RSRC1: variants seen among roughly 807,000 people sequenced by gnomAD.
RSRC1 encodes arginine and serine rich coiled-coil 1, also known as serine/Arginine-related protein 53.
RSRC1 carries 39 observed loss-of-function variants against 49.1 expected under a neutral mutation model. The observed-to-expected ratio is 0.79, with a 90% CI of 0.61 to 1.04. The LOEUF is 1.04. RSRC1 is among the 50% of genes least tolerant of loss of function. The pLI is 0.00. For missense variants in RSRC1, 388 were observed against 402.4 expected (o/e 0.96, Z 0.31); for synonymous variants, 143 against 130.8 (o/e 1.09, Z -0.63).
intron 3 of RSRC1, among the ~76,000 whole-genome samples, chr3:158,194,355 G>C (rs1720419759): frequency 6.7e-6 from 1 of 150,212 alleles, no homozygotes; most frequent in Non-Finnish European, 1.5e-5. Flanking sequence ...AAAGGAGGAA[G>C]GAAGGAAGAA....
intron 4 of RSRC1, among the ~76,000 whole-genome samples, chr3:158,206,886 C>G (rs1185533846): frequency 6.6e-6 from 1 of 152,090 alleles, no homozygotes; most frequent in Non-Finnish European, 1.5e-5. Context: ...TGCACTCTAG[C>G]CTGGGCGACA....
intron 4 of RSRC1, among the ~76,000 whole-genome samples, chr3:158,272,808 C>T (rs77613854): frequency 6.6e-6 from 1 of 152,104 alleles, no homozygotes; most frequent in African/African-American, 2.4e-5. Context: ...GTACAAGAAA[C>T]TCCCATATAC....
chr3:158,175,768 C>T (rs1027005845), intron 3 of RSRC1, among the ~76,000 whole-genome samples: 14 of 152,252 alleles, frequency 9.2e-5, no homozygotes, highest in African/African-American at 3.1e-4. Flanking sequence ...TAGATTTGGT[C>T]TTTTTACATA....
At chr3:158,457,765 A>G (rs1331199526) in intron 6 of RSRC1, among the ~76,000 whole-genome samples, 1 of 132,630 alleles carries the variant, frequency 7.5e-6, no homozygotes, top group African/African-American at 2.8e-5. Context: ...TTGTTTTTTA[A>G]TATATATATG....
intron 3 of RSRC1, among the ~76,000 whole-genome samples, chr3:158,133,805 T>A (rs1413601201): frequency 6.6e-6 from 1 of 152,238 alleles, no homozygotes. Flanking sequence ...GTCTGGGGAA[T>A]AGAATGGAAT....
chr3:158,127,988 C>T (rs1006944640), intron 3 of RSRC1, among the ~76,000 whole-genome samples: 4 of 152,206 alleles, frequency 2.6e-5, no homozygotes, highest in African/African-American at 9.7e-5. Context: ...TTCTCTCTCA[C>T]TTCTGACGAA....
chr3:158,251,136 T>C (rs544366778), intron 4 of RSRC1, among the ~76,000 whole-genome samples: 2 of 152,274 alleles, frequency 1.3e-5, no homozygotes, highest in Non-Finnish European at 2.9e-5. Context: ...GCTGTAGGTG[T>C]GTGGATTTGT....
chr3:158,329,988 G>A (rs1321425133), intron 5 of RSRC1, among the ~76,000 whole-genome samples: 1 of 152,172 alleles, frequency 6.6e-6, no homozygotes, highest in Admixed American at 6.5e-5. Context: ...TCAGAGTGTT[G>A]TGCTAGCAAT....
intron 4 of RSRC1, among the ~76,000 whole-genome samples, chr3:158,285,495 T>G (rs948247476): frequency 2.6e-5 from 4 of 152,270 alleles, no homozygotes; most frequent in Admixed American, 2.0e-4. Context: ...TATGGCCATT[T>G]TCACGATATT....
chr3:158,397,787 C>A (rs1467822790), intron 6 of RSRC1, among the ~76,000 whole-genome samples: 4 of 152,118 alleles, frequency 2.6e-5, no homozygotes. Flanking sequence ...TATCATACCC[C>A]TCTCTCTGCT....
intron 3 of RSRC1, among the ~76,000 whole-genome samples, chr3:158,192,557 T>A (rs1039511313): frequency 1.3e-5 from 2 of 152,024 alleles, no homozygotes; most frequent in African/African-American, 2.4e-5. Context: ...TAGATAGTAC[T>A]TGATAGAAGA....
rs1722130508 is a variant in RSRC1 at position 158,219,742 on chromosome 3, A to C, written c.494+16497A>C. ...TAAGTAATGTGCGGGAGTAATGATG[A>C]AGCCTTAATAAAGGTAGTGGCAGCT... On this transcript the variant is annotated intron_variant, in intron 4 of 9. Coordinates refer to ENST00000611884, the MANE Select transcript of RSRC1 (RefSeq NM_001271838.2). Among the ~76,000 whole-genome samples, 3 of 151,748 alleles carry C rather than the reference A, an allele frequency of 2.0e-5. No individual in the cohort carries two copies. In the South Asian group the frequency reaches 6.2e-4, roughly 31 times the overall value.
intron 3 of RSRC1, among the ~76,000 whole-genome samples, chr3:158,124,732 C>T (rs1715505020): frequency 6.6e-6 from 1 of 151,554 alleles, no homozygotes; most frequent in African/African-American, 2.4e-5. Context: ...ATAATCCTTT[C>T]AATGTTTGTG....
chr3:158,409,811 A>G (rs899533068), intron 6 of RSRC1, among the ~76,000 whole-genome samples: 2 of 152,192 alleles, frequency 1.3e-5, no homozygotes, highest in African/African-American at 4.8e-5. Context: ...AGAAAAAACC[A>G]TTAGAATAAT....
At chr3:158,142,686 C>T (rs1232078584) in intron 3 of RSRC1, among the ~76,000 whole-genome samples, 3 of 152,128 alleles carry the variant, frequency 2.0e-5, no homozygotes, top group Admixed American at 6.6e-5. Context: ...AACCAGATCT[C>T]CGTAGAACTC....
At chr3:158,144,223 G>A (rs1368878867) in intron 3 of RSRC1, among the ~76,000 whole-genome samples, 5 of 152,068 alleles carry the variant, frequency 3.3e-5, no homozygotes. Context: ...CCATGTTGGT[G>A]TGCTGCACCC....
intron 4 of RSRC1, among the ~76,000 whole-genome samples, chr3:158,211,963 T>C (rs1721702897): frequency 6.6e-6 from 1 of 151,956 alleles, no homozygotes; most frequent in Non-Finnish European, 1.5e-5. Flanking sequence ...TCTCTACTTT[T>C]CTTGCCAGTT....
At chr3:158,528,528 C>G (rs1186833937) in intron 7 of RSRC1, among the ~76,000 whole-genome samples, 1 of 151,896 alleles carries the variant, frequency 6.6e-6, no homozygotes, top group African/African-American at 2.4e-5. Context: ...CATTAGCTCT[C>G]CTGACAGGCG....
intron 5 of RSRC1, among the ~76,000 whole-genome samples, chr3:158,346,812 G>A (rs1730577317): frequency 6.6e-6 from 1 of 152,144 alleles, no homozygotes; most frequent in African/African-American, 2.4e-5. Context: ...ACAAAGATGT[G>A]TACCTGAATC....
Sources: allele counts gnomAD v4.1 joint callset (sites outside exome capture counted in the v4.1 genomes callset), GRCh38; gene constraint gnomAD v4.1.1; transcripts MANE v1.5; gene names NCBI Gene and HGNC (gene_info 2026-07-23, HGNC 2026-07-21).